Variants in KAZN observed in about 807,000 individuals in gnomAD.
The protein encoded by KAZN is kazrin, periplakin interacting protein, also known as kazrin.
A neutral mutation model predicts 87.4 loss-of-function variants in KAZN; 40 were observed. The ratio of observed to expected loss-of-function variants is 0.46; its 90% confidence interval spans 0.36 to 0.60. The LOEUF (loss-of-function observed/expected upper bound fraction) is 0.60. Ranked by LOEUF, KAZN falls within the 20% of genes least tolerant of loss-of-function variation. The pLI is 0.00. For synonymous variants in KAZN, 466 were observed against 458.3 expected (o/e 1.02, Z -0.22); for missense variants, 898 against 1,073.9 (o/e 0.84, Z 2.29).
At chr1:14,857,028 A>G (rs1650198906) in intron 1 of KAZN, among the ~76,000 whole-genome samples, 1 of 152,176 alleles carries the variant, frequency 6.6e-6, no homozygotes, top group Non-Finnish European at 1.5e-5. Context: ...TTGGGATTGG[A>G]TGTCAGGGGA....
At chr1:14,602,436 G>T (rs1042056209) in intron 1 of KAZN, among the ~76,000 whole-genome samples, 2 of 152,188 alleles carry the variant, frequency 1.3e-5, no homozygotes, top group East Asian at 3.8e-4. Context: ...TGCCTTTTGG[G>T]TCGGTGGGGT....
chr1:14,315,372 C>T (rs1445008115), intron 2 of KAZN, among the ~76,000 whole-genome samples: 1 of 152,088 alleles, frequency 6.6e-6, no homozygotes, highest in Non-Finnish European at 1.5e-5. Context: ...ATCAACTTTG[C>T]TCTTTCAATA....
intron 1 of KAZN, among the ~76,000 whole-genome samples, chr1:14,909,551 T>C (rs1657005595): frequency 6.6e-6 from 1 of 152,188 alleles, no homozygotes; most frequent in African/African-American, 2.4e-5. Flanking sequence ...CACCTGCCCA[T>C]CTCTGCTGAT....
chr1:14,516,088 G>A (rs1250064086), intron 2 of KAZN, among the ~76,000 whole-genome samples: 3 of 152,090 alleles, frequency 2.0e-5, no homozygotes, highest in Non-Finnish European at 2.9e-5. Context: ...ACTGTGTTCT[G>A]GTCTGAATTC....
At chr1:14,429,104 A>C (rs961143262) in intron 2 of KAZN, among the ~76,000 whole-genome samples, 1 of 152,210 alleles carries the variant, frequency 6.6e-6, no homozygotes, top group South Asian at 2.1e-4. Flanking sequence ...TCATAATTCA[A>C]GGAGGGACCG....
At chr1:14,723,651 CT>C (rs1183089316) in intron 1 of KAZN, among the ~76,000 whole-genome samples, 2 of 152,240 alleles carry the variant, frequency 1.3e-5, no homozygotes, top group Non-Finnish European at 2.9e-5. Flanking sequence ...CCTCTCTCTC[CT>C]GCATTCGTCT....
intron 2 of KAZN, among the ~76,000 whole-genome samples, chr1:14,444,905 A>G (rs1666896092): frequency 6.6e-6 from 1 of 152,204 alleles, no homozygotes; most frequent in Admixed American, 6.5e-5. Flanking sequence ...GTTCCCCCCA[A>G]AATTCACATA....
At chr1:13,935,689 C>T (rs553409777) in intron 1 of KAZN, among the ~76,000 whole-genome samples, 39 of 152,168 alleles carry the variant, frequency 2.6e-4, no homozygotes, top group Admixed American at 3.3e-4. Context: ...TTAAGACAAT[C>T]CCCGCTATAA....
chr1:14,875,189 G>A (rs76444111), intron 1 of KAZN, among the ~76,000 whole-genome samples: 1,570 of 151,886 alleles, frequency 0.01, 23 homozygotes, highest in African/African-American at 0.036. Flanking sequence ...AAATTATCCC[G>A]GCATGATGGT....
intron 2 of KAZN, among the ~76,000 whole-genome samples, chr1:14,306,691 C>A (rs1654954487): frequency 6.6e-6 from 1 of 152,140 alleles, no homozygotes; most frequent in African/African-American, 2.4e-5. Context: ...CCAGGGTGTT[C>A]AGAATAATGA....
chr1:15,055,951 A>G, intron 4 of KAZN, 140 bp from the exon 5 acceptor site: 2 of 794,308 alleles, frequency 2.5e-6, no homozygotes, highest in Non-Finnish European at 4.0e-6. Context: ...TGACTTACCA[A>G]TTGACGCTCG....
rs1028683773 is a variant in KAZN, at chr1:15,066,955, A to C, written c.1222+1202A>C. 3 of 985,452 alleles carry C rather than the reference A, an allele frequency of 3.0e-6. No individual in the cohort carries two copies. In the East Asian group the frequency reaches 3.4e-4, roughly 112 times the overall value. 61.0% of individuals were successfully genotyped at this position (985,452 alleles called of 1,614,324 possible). A position where few individuals can be genotyped will look rare whatever the true frequency, so the allele number is the denominator to read the frequency against. On this transcript the variant is annotated intron_variant, in intron 8 of 14. Transcript: ENST00000376030. The surrounding 1 kb of genome is among the most constrained non-coding windows in gnomAD (Gnocchi z 4.3). ...CACGACTTTAGTGAGCAGAGTGCTGACAGTCATGGTCCCCTTCTTTGGGTC... is the reference window on the plus strand; with the variant it reads ...CACGACTTTAGTGAGCAGAGTGCTGCCAGTCATGGTCCCCTTCTTTGGGTC...
intron 12 of KAZN, 66 bp downstream of exon 12, chr1:15,103,526 C>A: frequency 2.1e-6 from 2 of 951,924 alleles, no homozygotes; most frequent in Non-Finnish European, 3.3e-6. Flanking sequence ...AATCTATATG[C>A]AAATCAATAT....
intron 2 of KAZN, among the ~76,000 whole-genome samples, chr1:14,253,929 C>T (rs1412589237): frequency 2.3e-5 from 3 of 127,866 alleles, no homozygotes; most frequent in Non-Finnish European, 3.1e-5. Context: ...TATGAGCAAG[C>T]GAGACGTGAC....
At chr1:14,894,911 C>A (rs948617270) in intron 1 of KAZN, among the ~76,000 whole-genome samples, 1 of 152,284 alleles carries the variant, frequency 6.6e-6, no homozygotes, top group African/African-American at 2.4e-5. Flanking sequence ...GTTTGCCGGT[C>A]CAGCCAGCCT....
At chr1:14,077,979 CT>C (rs1362060321) in intron 1 of KAZN, among the ~76,000 whole-genome samples, 1 of 152,248 alleles carries the variant, frequency 6.6e-6, no homozygotes. Flanking sequence ...AGAAGCAACT[CT>C]GCTGACATTG....
intron 2 of KAZN, among the ~76,000 whole-genome samples, chr1:14,420,430 TGGATTCCCCCACC>T (rs1167596044): frequency 6.6e-6 from 1 of 152,200 alleles, no homozygotes; most frequent in African/African-American, 2.4e-5. Flanking sequence ...CTTCACCTAG[TGGATTCCCCCACC>T]GGAGCCACGG....
intron 2 of KAZN, among the ~76,000 whole-genome samples, chr1:14,286,793 T>C (rs1653286893): frequency 6.6e-6 from 1 of 152,186 alleles, no homozygotes; most frequent in Non-Finnish European, 1.5e-5. Context: ...CTTAGAACTA[T>C]AACACTCATA....
At chr1:14,731,146 C>T (rs1643659984) in intron 1 of KAZN, among the ~76,000 whole-genome samples, 1 of 151,232 alleles carries the variant, frequency 6.6e-6, no homozygotes, top group African/African-American at 2.4e-5. Flanking sequence ...AAACATTTTA[C>T]AATACCATCA....
Sources: gnomAD v4.1 joint callset for allele counts (sites outside exome capture counted in the v4.1 genomes callset) on GRCh38, gnomAD v4.1.1 for gene constraint, Gnocchi (gnomAD v3.1) non-coding constraint, MANE v1.5 for transcripts, NCBI Gene and HGNC (gene_info 2026-07-23, HGNC 2026-07-21) for gene names.